Variants in ERG observed in about 807,000 individuals in gnomAD.
ERG encodes transcriptional regulator ERG.
ERG carries 9 observed loss-of-function variants against 55.3 expected under a neutral mutation model. That is an observed-to-expected ratio of 0.16 (90% confidence interval 0.10 to 0.28). The LOEUF (loss-of-function observed/expected upper bound fraction) is 0.28, where lower values mean the gene tolerates loss of function less well. Among genes scored for constraint, ERG ranks in the 10% least tolerant of loss-of-function variants. The probability of loss-of-function intolerance (pLI) is 1.00; values close to 1 mark genes in which losing one functional copy is unlikely to be tolerated. For synonymous variants in ERG, 223 were observed against 237.3 expected (o/e 0.94, Z 0.55); for missense variants, 434 against 631.6 (o/e 0.69, Z 3.35).
At chr21:38,633,644 ATTTTCTGTG>A (rs1330197710) in intron 1 of ERG, among the ~76,000 whole-genome samples, 3 of 151,936 alleles carry the variant, frequency 2.0e-5, no homozygotes, top group Non-Finnish European at 4.4e-5. Context: ...TGCCTTCTCA[ATTTTCTGTG>A]TTTTCTGAGG....
intron 1 of ERG, chr21:38,473,912 T>C (rs2059163915): frequency 6.6e-6 from 1 of 152,058 alleles, no homozygotes; most frequent in Non-Finnish European, 1.5e-5. Flanking sequence ...TGTATATGTG[T>C]GTATGTGTGT....
intron 1 of ERG, among the ~76,000 whole-genome samples, chr21:38,617,068 G>C (rs2060263380): frequency 6.6e-6 from 1 of 152,146 alleles, no homozygotes; most frequent in Non-Finnish European, 1.5e-5. Flanking sequence ...ATCATATGCT[G>C]CCTCTCCAAA....
intron 1 of ERG, among the ~76,000 whole-genome samples, chr21:38,446,894 T>G (rs1601415236): frequency 6.6e-6 from 1 of 152,244 alleles, no homozygotes; most frequent in East Asian, 1.9e-4. Context: ...GCCTTCTCCT[T>G]GCCCCCACAG....
intron 1 of ERG, among the ~76,000 whole-genome samples, chr21:38,461,171 G>A (rs1051327695): frequency 1.3e-5 from 2 of 152,218 alleles, no homozygotes; most frequent in African/African-American, 4.8e-5. Context: ...CTGGAAGTCA[G>A]AGAGCAAAGT....
At chr21:38,387,934 G>A (rs999508242) in intron 9 of ERG, among the ~76,000 whole-genome samples, 8 of 152,218 alleles carry the variant, frequency 5.3e-5, no homozygotes, top group Non-Finnish European at 1.2e-4. Context: ...TTGAAATCCA[G>A]ACTCTAGGCT....
chr21:38,537,439 A>ATAT (rs757600767), intron 2 of ERG, among the ~76,000 whole-genome samples: 7 of 140,458 alleles, frequency 5.0e-5, no homozygotes, highest in African/African-American at 2.0e-4. Context: ...TCCAGAAAAA[A>ATAT]AAATATATAT....
intron 2 of ERG, among the ~76,000 whole-genome samples, chr21:38,434,799 T>C (rs1254409328): frequency 6.6e-6 from 1 of 152,200 alleles, no homozygotes; most frequent in Non-Finnish European, 1.5e-5. Flanking sequence ...ACTATACAGA[T>C]TAACACAGCA....
intron 2 of ERG, among the ~76,000 whole-genome samples, chr21:38,564,755 C>T (rs923514765): frequency 6.6e-6 from 1 of 152,016 alleles, no homozygotes; most frequent in Non-Finnish European, 1.5e-5. Context: ...ACTGGCTTCT[C>T]TTCTCAGCTC....
chr21:38,436,331 AAAGT>A (rs2058789935), intron 2 of ERG, among the ~76,000 whole-genome samples: 1 of 152,182 alleles, frequency 6.6e-6, no homozygotes, highest in South Asian at 2.1e-4. Flanking sequence ...CTGATGTGAT[AAAGT>A]AAGATAGTAA....
chr21:38,438,267 A>G (rs1403531619), intron 2 of ERG, among the ~76,000 whole-genome samples: 4 of 152,030 alleles, frequency 2.6e-5, no homozygotes, highest in Non-Finnish European at 5.9e-5. Context: ...TCTCCTTAGC[A>G]TTTACCATGA....
At chr21:38,644,788 T>C (rs954920931) in intron 1 of ERG, among the ~76,000 whole-genome samples, 1 of 152,226 alleles carries the variant, frequency 6.6e-6, no homozygotes, top group Non-Finnish European at 1.5e-5. Flanking sequence ...AAATAACATG[T>C]ATTTGATATT....
rs1484697914 is a variant in ERG at position 38,382,083 on chromosome 21, G to T, written c.*1320C>A. 3.8e-6 allele frequency: 4 copies of T among 1,057,600 alleles called. No individual in the cohort carries two copies. Among genetic ancestry groups the T allele is most frequent in the Non-Finnish European group, 3.4e-6 (3 of 874,400 alleles). 65.5% of individuals were successfully genotyped at this position (1,057,600 alleles called of 1,614,324 possible). A position where few individuals can be genotyped will look rare whatever the true frequency, so the allele number is the denominator to read the frequency against. On this transcript the variant is annotated 3_prime_UTR_variant, in exon 10 of 10. Transcript: ENST00000288319. ...TTATTACATACATTCTGCATTCTAAGAACTAATAACTTCATATTGTAAACA... is the reference window on the plus strand; with the variant it reads ...TTATTACATACATTCTGCATTCTAATAACTAATAACTTCATATTGTAAACA...
At chr21:38,417,599 G>A (rs374806568) in intron 3 of ERG, among the ~76,000 whole-genome samples, 195 of 152,196 alleles carry the variant, frequency 1.3e-3, no homozygotes, top group Middle Eastern at 6.8e-3. Context: ...GACCAGCCTT[G>A]CCAACATGGT....
chr21:38,408,758 A>G (rs1988900577), intron 3 of ERG, among the ~76,000 whole-genome samples: 1 of 152,162 alleles, frequency 6.6e-6, no homozygotes, highest in Non-Finnish European at 1.5e-5. Context: ...ATGAGTTCCT[A>G]TGAGATTCAG....
At chr21:38,414,353 C>T (rs913202670) in intron 3 of ERG, among the ~76,000 whole-genome samples, 2 of 152,206 alleles carry the variant, frequency 1.3e-5, no homozygotes, top group African/African-American at 4.8e-5. Flanking sequence ...TCTATTTCCA[C>T]ATAAGGTCAC....
chr21:38,386,009 T>G (rs1287509899), intron 9 of ERG, among the ~76,000 whole-genome samples: 1 of 152,238 alleles, frequency 6.6e-6, no homozygotes, highest in Admixed American at 6.5e-5. Context: ...TGGAATCTAC[T>G]CAAACCTTGG....
At chr21:38,569,224 A>G (rs2059942470) in intron 2 of ERG, among the ~76,000 whole-genome samples, 1 of 152,216 alleles carries the variant, frequency 6.6e-6, no homozygotes, top group Admixed American at 6.5e-5. Flanking sequence ...TTGTTGAATG[A>G]ATAAACGAGC....
chr21:38,425,501 G>A (rs1433893073), intron 2 of ERG, among the ~76,000 whole-genome samples: 1 of 152,190 alleles, frequency 6.6e-6, no homozygotes, highest in Admixed American at 6.5e-5. Flanking sequence ...CTTCTTAGAT[G>A]GTTAACACGT....
At chr21:38,615,119 A>T (rs2836571) in intron 1 of ERG, among the ~76,000 whole-genome samples, 2 of 152,164 alleles carry the variant, frequency 1.3e-5, no homozygotes, top group African/African-American at 2.4e-5. Context: ...TCTTAGAGAC[A>T]CTATTATTCA....
Sources: allele counts gnomAD v4.1 joint callset (sites outside exome capture counted in the v4.1 genomes callset), GRCh38; gene constraint gnomAD v4.1.1; transcripts MANE v1.5; gene names NCBI Gene and HGNC (gene_info 2026-07-23, HGNC 2026-07-21).